PCDH9: variants seen among roughly 807,000 people sequenced by gnomAD.
PCDH9 encodes protocadherin 9, also known as protocadherin-9.
In PCDH9, 24 loss-of-function variants were observed where a neutral mutation model predicts 70.6. The ratio of observed to expected loss-of-function variants is 0.34; its 90% CI spans 0.25 to 0.48. The LOEUF (loss-of-function observed/expected upper bound fraction) is 0.48, where lower values mean the gene tolerates loss of function less well. PCDH9 is among the 20% of genes least tolerant of loss of function. PCDH9 has a pLI of 0.99. For synonymous variants in PCDH9, 562 were observed against 558.5 expected (o/e 1.01, Z -0.09); for missense variants, 1,281 against 1,503.6 (o/e 0.85, Z 2.45).
intron 4 of PCDH9, among the ~76,000 whole-genome samples, chr13:66,438,327 A>G (rs1165766222): frequency 6.6e-6 from 1 of 152,190 alleles, no homozygotes; most frequent in East Asian, 1.9e-4. Flanking sequence ...TTTATTTAAT[A>G]AAAGAGTGCC....
intron 2 of PCDH9, among the ~76,000 whole-genome samples, chr13:67,083,504 G>A (rs2086029313): frequency 6.6e-6 from 1 of 152,100 alleles, no homozygotes; most frequent in Non-Finnish European, 1.5e-5. Flanking sequence ...GAGAATTACA[G>A]GAAAATAATC....
chr13:66,546,270 A>G (rs951570200), intron 4 of PCDH9, among the ~76,000 whole-genome samples: 2 of 152,074 alleles, frequency 1.3e-5, no homozygotes, highest in Non-Finnish European at 2.9e-5. Context: ...GACAGCACAC[A>G]CATGTTATTG....
At chr13:66,724,353 G>A (rs1352886540) in intron 3 of PCDH9, among the ~76,000 whole-genome samples, 1 of 152,122 alleles carries the variant, frequency 6.6e-6, no homozygotes, top group African/African-American at 2.4e-5. Context: ...ATGGCCACTA[G>A]CAGTCAGGAA....
chr13:67,086,507 A>C (rs1385669849), intron 2 of PCDH9, among the ~76,000 whole-genome samples: 1 of 152,198 alleles, frequency 6.6e-6, no homozygotes, highest in African/African-American at 2.4e-5. Flanking sequence ...TTTTACAAAA[A>C]TAGGTAATTG....
chr13:66,506,726 T>A (rs966143070), intron 4 of PCDH9, among the ~76,000 whole-genome samples: 1 of 152,246 alleles, frequency 6.6e-6, no homozygotes, highest in Non-Finnish European at 1.5e-5. Flanking sequence ...TAAGATACTA[T>A]CTATTGCATT....
chr13:66,779,884 T>TGTGTGC (rs1427051424), intron 3 of PCDH9, among the ~76,000 whole-genome samples: 1 of 144,312 alleles, frequency 6.9e-6, no homozygotes, highest in Non-Finnish European at 1.5e-5. Flanking sequence ...TGTGTGTGTG[T>TGTGTGC]GTGTGTGTGT....
At chr13:66,718,785 G>A (rs936607657) in intron 3 of PCDH9, among the ~76,000 whole-genome samples, 6 of 152,180 alleles carry the variant, frequency 3.9e-5, no homozygotes, top group Admixed American at 1.3e-4. Context: ...GGTGATGGAA[G>A]GTCTGAATTT....
chr13:66,585,242 C>T (rs1382638478), intron 4 of PCDH9, among the ~76,000 whole-genome samples: 1 of 151,946 alleles, frequency 6.6e-6, no homozygotes, highest in Admixed American at 6.6e-5. Context: ...ATTTTTATTT[C>T]CTGTATGAGA....
chr13:67,182,293 C>A lies in PCDH9; in HGVS notation c.3036+43112G>T, dbSNP rs945436019. On this transcript the variant is annotated intron_variant, in intron 2 of 4. Transcript: ENST00000377865. ...ACCTAAATTTCCCAATTTCCCCTGT[C>A]ATTAAAGTGAAAAAACATGGAGTTG... Among the ~76,000 whole-genome samples, 8 of 152,196 alleles carry A rather than the reference C, an allele frequency of 5.3e-5. No individual in the cohort carries two copies. The South Asian group carries it at 1.5e-3, about 28-fold the overall frequency.
intron 4 of PCDH9, among the ~76,000 whole-genome samples, chr13:66,308,060 G>A (rs942362063): frequency 1.3e-5 from 2 of 152,018 alleles, no homozygotes; most frequent in Admixed American, 6.6e-5. Context: ...GAGCTATTCT[G>A]GGAAACACAT....
At chr13:67,131,585 G>C (rs1396051004) in intron 2 of PCDH9, among the ~76,000 whole-genome samples, 1 of 151,952 alleles carries the variant, frequency 6.6e-6, no homozygotes, top group Admixed American at 6.6e-5. Flanking sequence ...AGCATAATCA[G>C]CATGATGACA....
intron 2 of PCDH9, among the ~76,000 whole-genome samples, chr13:67,013,230 G>C (rs2084487621): frequency 6.8e-6 from 1 of 147,908 alleles, no homozygotes; most frequent in African/African-American, 2.5e-5. Context: ...GTTTTTCGAG[G>C]CCATATCCTA....
chr13:67,011,324 G>A (rs1212818028), intron 2 of PCDH9, among the ~76,000 whole-genome samples: 1 of 151,826 alleles, frequency 6.6e-6, no homozygotes, highest in African/African-American at 2.4e-5. Flanking sequence ...TATTCAAATA[G>A]TGAATTACAA....
intron 2 of PCDH9, among the ~76,000 whole-genome samples, chr13:67,155,569 C>T (rs978299185): frequency 6.6e-6 from 1 of 152,042 alleles, no homozygotes; most frequent in African/African-American, 2.4e-5. Context: ...TGATGTGTTC[C>T]ATGACGTGAT....
At chr13:66,641,636 C>T (rs762967871) in intron 3 of PCDH9, among the ~76,000 whole-genome samples, 1 of 151,992 alleles carries the variant, frequency 6.6e-6, no homozygotes, top group Non-Finnish European at 1.5e-5. Flanking sequence ...CTGTCTCTAG[C>T]CATATAGAAC....
chr13:67,120,929 GA>G (rs879853398), intron 2 of PCDH9, among the ~76,000 whole-genome samples: 46 of 139,740 alleles, frequency 3.3e-4, no homozygotes, highest in Admixed American at 7.2e-4. Flanking sequence ...ACGACAGACA[GA>G]AAAAAAAAAA....
chr13:66,709,704 T>C (rs2078766880), intron 3 of PCDH9, among the ~76,000 whole-genome samples: 1 of 152,164 alleles, frequency 6.6e-6, no homozygotes, highest in Non-Finnish European at 1.5e-5. Flanking sequence ...GTTTGTAACA[T>C]GGGAATCATA....
intron 2 of PCDH9, among the ~76,000 whole-genome samples, chr13:67,047,407 AT>A (rs759164737): frequency 5.9e-5 from 9 of 152,200 alleles, no homozygotes; most frequent in Non-Finnish European, 1.2e-4. Context: ...TGGCATTTAT[AT>A]TTCTCATATA....
intron 4 of PCDH9, among the ~76,000 whole-genome samples, chr13:66,575,421 T>G (rs567950944): frequency 6.0e-4 from 92 of 152,168 alleles, no homozygotes; most frequent in African/African-American, 2.0e-3. Flanking sequence ...TCCTCACATC[T>G]AGTCCCATCA....
Sources: allele counts gnomAD v4.1 joint callset (sites outside exome capture counted in the v4.1 genomes callset), GRCh38; gene constraint gnomAD v4.1.1; transcripts MANE v1.5; gene names NCBI Gene and HGNC (gene_info 2026-07-23, HGNC 2026-07-21).